Variants in GFPT1 observed in about 807,000 individuals in gnomAD.
GFPT1 encodes glutamine--fructose-6-phosphate aminotransferase [isomerizing] 1.
GFPT1 carries 40 observed loss-of-function variants against 92.0 expected under a neutral mutation model. That is an observed-to-expected ratio of 0.43 (90% CI 0.34 to 0.57). The LOEUF (loss-of-function observed/expected upper bound fraction) is 0.57, where lower values mean the gene tolerates loss of function less well. Among genes scored for constraint, GFPT1 ranks in the 20% least tolerant of loss-of-function variants. The pLI, the probability that GFPT1 is intolerant of heterozygous loss-of-function variation, is 0.02. For synonymous variants in GFPT1, 269 were observed against 280.6 expected, an observed-to-expected ratio of 0.96 and a Z score of 0.41; for missense variants, 448 against 869.1, an observed-to-expected ratio of 0.52 and a Z score of 6.09.
chr2:69,378,692 C>T lies in GFPT1; in HGVS notation c.8-4579G>A, dbSNP rs150942568. Among the ~76,000 whole-genome samples the T allele has an allele frequency of 4.9e-3, 744 of 152,286 alleles. 4 individuals carry two copies. Among genetic ancestry groups the T allele is most frequent in the African/African-American group, 0.017 (712 of 41,552 alleles). ...CTGTTAAACCTTACTGAAAAGAAAA[C>T]TGACTCGTCAAATTATTAAAATTCC... On this transcript the variant is annotated intron_variant, in intron 1 of 19. Coordinates refer to ENST00000357308, the MANE Select transcript of GFPT1 (RefSeq NM_001244710.2).
intron 17 of GFPT1, 62 bp downstream of exon 17, chr2:69,329,235 A>G (rs1269723441): frequency 1.3e-5 from 19 of 1,487,780 alleles, no homozygotes; most frequent in Non-Finnish European, 1.6e-5. Flanking sequence ...ATGTAAAAGT[A>G]TGACTATGTG....
intron 11 of GFPT1, among the ~76,000 whole-genome samples, chr2:69,346,244 C>CTT (rs927368693): frequency 6.9e-6 from 1 of 145,612 alleles, no homozygotes; most frequent in Non-Finnish European, 1.5e-5. Context: ...ATGAGACAAG[C>CTT]TTTTTTTTTT....
chr2:69,335,813 G>A (rs76484676), intron 15 of GFPT1, among the ~76,000 whole-genome samples: 3,429 of 152,158 alleles, frequency 0.023, 135 homozygotes, highest in African/African-American at 0.077. Context: ...TTGAGCCCAA[G>A]AGTTCGAGAC....
chr2:69,334,849 A>G (rs1366563073), intron 15 of GFPT1, among the ~76,000 whole-genome samples: 2 of 152,150 alleles, frequency 1.3e-5, no homozygotes, highest in African/African-American at 4.8e-5. Context: ...AGGATTGACT[A>G]CAAAGAAACA....
At chr2:69,339,850 CTATT>C (rs1252328942) in intron 13 of GFPT1, among the ~76,000 whole-genome samples, 1 of 152,018 alleles carries the variant, frequency 6.6e-6, no homozygotes, top group Non-Finnish European at 1.5e-5. Context: ...TAAAATGCTC[CTATT>C]TTTTATTATT....
chr2:69,387,014 C>T, intron 1 of GFPT1, 51 bp downstream of exon 1: 20 of 1,394,044 alleles, frequency 1.4e-5, no homozygotes, highest in Non-Finnish European at 2.0e-5. Context: ...GGCACCCGCA[C>T]CGCACCCCAG....
chr2:69,382,836 A>C (rs567483313), intron 1 of GFPT1, among the ~76,000 whole-genome samples: 10 of 152,284 alleles, frequency 6.6e-5, no homozygotes, highest in Non-Finnish European at 1.5e-4. Flanking sequence ...ACAGAAACCC[A>C]AACCCCAGAG....
intron 5 of GFPT1, 134 bp downstream of exon 5, chr2:69,359,134 G>A (rs1377586394): frequency 5.7e-5 from 39 of 680,930 alleles, no homozygotes; most frequent in Admixed American, 1.1e-4. Flanking sequence ...ATAAACCACC[G>A]TGCCCTTGGA....
intron 19 of GFPT1, 64 bp from the exon 20 acceptor site, chr2:69,326,297 T>A (rs949969720): frequency 2.0e-6 from 2 of 989,072 alleles, no homozygotes; most frequent in Non-Finnish European, 3.2e-6. Flanking sequence ...AAGGGGGTGG[T>A]TACTATAAGC....
In GFPT1 at chr2:69,324,206, T is replaced by C. The variant is rs896890279; in HGVS notation, c.*1983A>G. ...TACCCTAGCTTTCAGTATATTTGTG[T>C]GTGTGTGTGTACACATGTGCTTTAT... On this transcript the variant is annotated 3_prime_UTR_variant, in exon 20 of 20. Coordinates refer to ENST00000357308, the MANE Select transcript of GFPT1 (RefSeq NM_001244710.2). The C allele has an allele frequency of 1.3e-5, 2 of 152,220 alleles. No homozygotes were observed. Among genetic ancestry groups the C allele is most frequent in the Non-Finnish European group, 2.9e-5 (2 of 68,044 alleles). The allele number at this position is 152,220 out of a possible 1,614,324, so 9.4% of individuals were successfully genotyped here.
chr2:69,371,012 CA>C lies in GFPT1; in HGVS notation c.116-905del, dbSNP rs1422198800. Among the ~76,000 whole-genome samples, 4 of 149,522 alleles carry C rather than the reference CA, an allele frequency of 2.7e-5. 1 individual carries two copies. The highest frequency in any genetic ancestry group is 5.9e-5 in the Non-Finnish European group (4 of 67,426). The stretch of plus-strand genomic sequence containing the variant: ...GAGATTCATCTCAAAAACAAACAAA[CA>C]AAAAACAGGGTGGGGAGCAGGGTGA... On this transcript the variant is annotated intron_variant, in intron 2 of 19. Coordinates refer to ENST00000357308, the MANE Select transcript of GFPT1 (RefSeq NM_001244710.2).
intron 15 of GFPT1, among the ~76,000 whole-genome samples, chr2:69,336,800 T>G (rs531620391): frequency 1.3e-5 from 2 of 151,844 alleles, no homozygotes; most frequent in Non-Finnish European, 2.9e-5. Flanking sequence ...TGTCTCTAAA[T>G]AACAACCAAA....
At chr2:69,332,767 G>C (rs79937409) in intron 15 of GFPT1, among the ~76,000 whole-genome samples, 1,823 of 151,976 alleles carry the variant, frequency 0.012, 35 homozygotes, top group African/African-American at 0.042. Flanking sequence ...TTAGCTTTAG[G>C]AAATTTATGC....
At chr2:69,355,297 G>A (rs1259722669) in intron 7 of GFPT1, among the ~76,000 whole-genome samples, 1 of 151,974 alleles carries the variant, frequency 6.6e-6, no homozygotes, top group Non-Finnish European at 1.5e-5. Flanking sequence ...AGGCTGATCT[G>A]GAACTCCTGG....
intron 3 of GFPT1, among the ~76,000 whole-genome samples, chr2:69,366,164 A>G (rs1410262406): frequency 6.6e-6 from 1 of 152,202 alleles, no homozygotes; most frequent in Non-Finnish European, 1.5e-5. Context: ...ATCTCCTTGC[A>G]CATGCTGGCA....
At chr2:69,346,619 T>C (rs1671088981) in intron 11 of GFPT1, among the ~76,000 whole-genome samples, 1 of 152,176 alleles carries the variant, frequency 6.6e-6, no homozygotes, top group Non-Finnish European at 1.5e-5. Context: ...GGGGAAATTA[T>C]TAATCTATAA....
intron 4 of GFPT1, among the ~76,000 whole-genome samples, chr2:69,360,056 G>T (rs767588364): frequency 6.6e-6 from 1 of 152,084 alleles, no homozygotes; most frequent in African/African-American, 2.4e-5. Context: ...GGCTGAGCAC[G>T]GTGGCTCATG....
In GFPT1 at chr2:69,338,493, T is replaced by A; in HGVS notation, c.1276A>T (p.Asn426Tyr). The change falls in exon 14 of 20, where the codon AAC (asparagine) becomes TAC (tyrosine). Residue 426 changes from asparagine (N) to tyrosine (Y), a missense_variant. Physicochemically the swap from Asn to Tyr is moderately radical, Grantham distance 143. Transcript: ENST00000357308. Reference sequence around the variant, plus strand: ...ACATCATCTCGAAAGACTGGTGTGTTTCTGTCCAGGAAGTCACTTGCTAGT... The same window carrying A: ...ACATCATCTCGAAAGACTGGTGTGTATCTGTCCAGGAAGTCACTTGCTAGT... Reference protein sequence around the residue: ...VELASDFLDRNTPVFRDDVCF... With the variant: ...VELASDFLDRYTPVFRDDVCF... 6.2e-7 allele frequency: 1 copy of A among 1,613,556 alleles called. No homozygotes were observed. Among genetic ancestry groups the A allele is most frequent in the South Asian group, 1.1e-5 (1 of 91,064 alleles).
intron 6 of GFPT1, 108 bp from the exon 7 acceptor site, chr2:69,356,665 T>C: frequency 1.3e-6 from 1 of 791,886 alleles, no homozygotes; most frequent in Non-Finnish European, 2.3e-6. Context: ...ACAAATGCTC[T>C]TTTGTACCAG....
Sources: gnomAD v4.1 joint callset for allele counts (sites outside exome capture counted in the v4.1 genomes callset) on GRCh38, gnomAD v4.1.1 for gene constraint, MANE v1.5 for transcripts, NCBI Gene and HGNC (gene_info 2026-07-23, HGNC 2026-07-21) for gene names.